The following MACROD2 variants were observed in gnomAD, a reference collection of about 807,000 sequenced individuals.
MACROD2 encodes the protein mono-ADP ribosylhydrolase 2.
Under a neutral mutation model 70.4 loss-of-function variants are expected in MACROD2, and 36 were observed. The ratio of observed to expected loss-of-function variants is 0.51; its 90% CI spans 0.39 to 0.68. The LOEUF is 0.68. Ranked by LOEUF, MACROD2 falls within the 30% of genes least tolerant of loss-of-function variation. MACROD2 has a pLI of 0.00. For missense variants in MACROD2, 496 were observed against 538.4 expected (o/e 0.92, Z 0.78); for synonymous variants, 172 against 178.8 (o/e 0.96, Z 0.30).
chr20:15,515,856 C>A (rs1339428470), intron 8 of MACROD2, among the ~76,000 whole-genome samples: 1 of 152,184 alleles, frequency 6.6e-6, no homozygotes, highest in Non-Finnish European at 1.5e-5. Flanking sequence ...GAAAATTCTA[C>A]CCTGCTCTTT....
At chr20:15,412,808 T>G (rs2046096252) in intron 6 of MACROD2, among the ~76,000 whole-genome samples, 1 of 152,168 alleles carries the variant, frequency 6.6e-6, no homozygotes, top group Non-Finnish European at 1.5e-5. Flanking sequence ...TCTAAATATA[T>G]CTCTATGTTC....
chr20:14,391,745 A>C (rs990555566), intron 3 of MACROD2, among the ~76,000 whole-genome samples: 4 of 149,474 alleles, frequency 2.7e-5, no homozygotes, highest in African/African-American at 7.4e-5. Context: ...GCATGTTCTC[A>C]CTTGTAAGTG....
chr20:14,407,326 C>T (rs1180679012), intron 3 of MACROD2, among the ~76,000 whole-genome samples: 1 of 151,990 alleles, frequency 6.6e-6, no homozygotes, highest in African/African-American at 2.4e-5. Flanking sequence ...TCCTTGGAAG[C>T]TGCTCTTACT....
At chr20:14,508,783 A>G (rs933960171) in intron 4 of MACROD2, among the ~76,000 whole-genome samples, 98 of 152,328 alleles carry the variant, frequency 6.4e-4, no homozygotes, top group African/African-American at 2.3e-3. Context: ...TAAAACAATT[A>G]CACAGTGAAT....
At chr20:14,092,889 T>A (rs2054170521) in intron 3 of MACROD2, among the ~76,000 whole-genome samples, 1 of 152,212 alleles carries the variant, frequency 6.6e-6, no homozygotes. Flanking sequence ...AAACGGAGGA[T>A]ATCTTCTGTG....
chr20:14,790,174 C>G (rs1358864752), intron 5 of MACROD2, among the ~76,000 whole-genome samples: 4 of 151,914 alleles, frequency 2.6e-5, no homozygotes, highest in Non-Finnish European at 4.4e-5. Flanking sequence ...ATAAAAACTG[C>G]ATGTAAAATT....
At chr20:15,239,825 G>A (rs1001033936) in intron 6 of MACROD2, among the ~76,000 whole-genome samples, 2 of 152,176 alleles carry the variant, frequency 1.3e-5, no homozygotes, top group African/African-American at 4.8e-5. Context: ...TCATTTTCTG[G>A]TTATGCTGTG....
intron 6 of MACROD2, among the ~76,000 whole-genome samples, chr20:15,231,022 G>T (rs1013073074): frequency 3.9e-5 from 6 of 152,018 alleles, no homozygotes; most frequent in African/African-American, 7.2e-5. Flanking sequence ...TTTATTATTT[G>T]CATGAAGAAA....
intron 3 of MACROD2, among the ~76,000 whole-genome samples, chr20:14,147,592 C>A (rs2054958464): frequency 6.6e-6 from 1 of 152,096 alleles, no homozygotes; most frequent in African/African-American, 2.4e-5. Flanking sequence ...AGTGGGAAGA[C>A]CCGACAGTTG....
rs917583104 is a variant in MACROD2, at chr20:15,322,694, A to G, written c.540+92633A>G. Among the ~76,000 whole-genome samples, 5 of 144,482 alleles carry G rather than the reference A, an allele frequency of 3.5e-5. 1 individual carries two copies. Among genetic ancestry groups the G allele is most frequent in the Non-Finnish European group, 7.8e-5 (5 of 63,862 alleles). 94.8% of individuals were successfully genotyped at this position (144,482 alleles called of 152,430 possible). On this transcript the variant is annotated intron_variant, in intron 6 of 17. Transcript: ENST00000684519. The stretch of plus-strand genomic sequence containing the variant: ...GGTTTTATACATATTTGTAGAGAGT[A>G]TGAATGACATTCTCCCTGAATTTGT...
At chr20:15,773,479 G>C (rs1333021124) in intron 8 of MACROD2, among the ~76,000 whole-genome samples, 1 of 151,988 alleles carries the variant, frequency 6.6e-6, no homozygotes, top group East Asian at 1.9e-4. Context: ...CAAAGCACTG[G>C]GAGCTCTTTC....
intron 6 of MACROD2, among the ~76,000 whole-genome samples, chr20:15,384,808 CTT>C (rs1454050169): frequency 1.3e-5 from 2 of 152,060 alleles, no homozygotes; most frequent in Non-Finnish European, 2.9e-5. Flanking sequence ...GTAAAATAAA[CTT>C]TATAGAACTA....
At chr20:15,285,020 C>T (rs1448165901) in intron 6 of MACROD2, among the ~76,000 whole-genome samples, 1 of 151,952 alleles carries the variant, frequency 6.6e-6, no homozygotes, top group Non-Finnish European at 1.5e-5. Flanking sequence ...CAGGTTTGGT[C>T]CATTTCTTCT....
intron 8 of MACROD2, among the ~76,000 whole-genome samples, chr20:15,553,837 A>G (rs1447125954): frequency 6.6e-6 from 1 of 152,246 alleles, no homozygotes; most frequent in African/African-American, 2.4e-5. Flanking sequence ...AATAAAGCAG[A>G]TAGAGGCACG....
chr20:15,910,745 A>G (rs2065225038), intron 10 of MACROD2, among the ~76,000 whole-genome samples: 1 of 152,186 alleles, frequency 6.6e-6, no homozygotes, highest in Admixed American at 6.5e-5. Context: ...AGGTGTCGCC[A>G]ATGTGAAAAT....
intron 3 of MACROD2, among the ~76,000 whole-genome samples, chr20:14,111,782 A>T (rs2054454119): frequency 6.6e-6 from 1 of 152,038 alleles, no homozygotes; most frequent in Non-Finnish European, 1.5e-5. Flanking sequence ...TAGTACAATC[A>T]CTGTGGAGAA....
At chr20:15,169,462 G>A (rs1481524442) in intron 5 of MACROD2, among the ~76,000 whole-genome samples, 1 of 152,068 alleles carries the variant, frequency 6.6e-6, no homozygotes, top group Non-Finnish European at 1.5e-5. Flanking sequence ...CCACGTTCTT[G>A]GCTAAGGGGC....
intron 8 of MACROD2, among the ~76,000 whole-genome samples, chr20:15,630,930 C>T (rs1055907772): frequency 1.1e-4 from 17 of 152,160 alleles, no homozygotes; most frequent in Non-Finnish European, 1.9e-4. Context: ...TTTAAGTTTA[C>T]CCCAGGTTAG....
intron 4 of MACROD2, among the ~76,000 whole-genome samples, chr20:14,679,045 G>A (rs551826656): frequency 6.6e-6 from 1 of 152,152 alleles, no homozygotes; most frequent in South Asian, 2.1e-4. Context: ...ATTAAGATAG[G>A]TGGGGATATA....
Sources: allele counts gnomAD v4.1 joint callset (sites outside exome capture counted in the v4.1 genomes callset), GRCh38; gene constraint gnomAD v4.1.1; transcripts MANE v1.5; gene names NCBI Gene and HGNC (gene_info 2026-07-23, HGNC 2026-07-21).